Variants in PSG1 observed in about 807,000 individuals in gnomAD.
PSG1 encodes pregnancy-specific beta-1-glycoprotein 1.
Under a neutral mutation model 41.4 loss-of-function variants are expected in PSG1, and 60 were observed. The observed-to-expected ratio is 1.45, with a 90% CI of 1.18 to 1.80. The LOEUF (loss-of-function observed/expected upper bound fraction) is 1.80. Among genes scored for constraint, PSG1 ranks in the 40% most tolerant of loss-of-function variants. The pLI, the probability that PSG1 is intolerant of heterozygous loss-of-function variation, is 0.00. For synonymous variants in PSG1, 256 were observed against 192.9 expected, an observed-to-expected ratio of 1.33 and a Z score of -2.71; for missense variants, 806 against 516.9, an observed-to-expected ratio of 1.56 and a Z score of -5.42.
intron 2 of PSG1, among the ~76,000 whole-genome samples, chr19:42,874,692 T>C (rs1424289642): frequency 6.6e-6 from 1 of 151,726 alleles, no homozygotes; most frequent in Non-Finnish European, 1.5e-5. Flanking sequence ...TTCAGCTTTT[T>C]ACTTAGTGTT....
intron 1 of PSG1, among the ~76,000 whole-genome samples, chr19:42,879,202 G>T (rs1028142110): frequency 6.8e-6 from 1 of 148,024 alleles, no homozygotes. Context: ...GCCCAGGCTG[G>T]CATGCGGTGG....
At chr19:42,867,469 G>A (rs1329679995) in intron 5 of PSG1, 30 of 575,480 alleles carry the variant, frequency 5.2e-5, no homozygotes, top group Non-Finnish European at 9.3e-5. Flanking sequence ...CCAAACCAAG[G>A]CTGACTTCAG....
intron 5 of PSG1, 197 bp downstream of exon 5, chr19:42,867,904 T>C (rs1971200560): frequency 6.8e-7 from 1 of 1,480,728 alleles, no homozygotes; most frequent in Non-Finnish European, 9.1e-7. Context: ...AGGCTGGGAA[T>C]ATTATGAAGA....
rs1568412725 is a variant in PSG1 at position 42,867,033 on chromosome 19, A to C, written c.*101T>G. The C allele has an allele frequency of 1.3e-6, 1 of 768,566 alleles. No homozygotes were observed. Among genetic ancestry groups the C allele is most frequent in the African/African-American group, 1.7e-5 (1 of 59,052 alleles). 47.6% of individuals were successfully genotyped at this position (768,566 alleles called of 1,614,324 possible). On this transcript the variant is annotated 3_prime_UTR_variant, in exon 6 of 6. Transcript: ENST00000436291. ...ACAAGGGTTTTCCCATGAAATTTAC[A>C]TTGAGTTGTCCACCTCCAGCTTATA...
chr19:42,873,108 C>T (rs1248575679), intron 2 of PSG1, among the ~76,000 whole-genome samples: 2 of 151,452 alleles, frequency 1.3e-5, no homozygotes, highest in African/African-American at 2.4e-5. Context: ...GGTGTTGTTC[C>T]GTGGGTGTGC....
rs548042972 is a variant in PSG1, at chr19:42,878,916, G to A, written c.64+602C>T. 3.3e-5 allele frequency among the ~76,000 whole-genome samples: 5 copies of A among 151,650 alleles called. 1 individual carries two copies. The highest frequency in any genetic ancestry group is 1.9e-4 in the East Asian group (1 of 5,140). On this transcript the variant is annotated intron_variant, in intron 1 of 5. Transcript: ENST00000436291. ...CCAATTGTTGAGGTTTCTTGCTGAG[G>A]ACAGTGTTTCCTGCCCTGTTTATAT... is the stretch of plus-strand genomic sequence containing the variant.
rs753209822 is a variant in PSG1, at chr19:42,868,907, G to T, written c.837C>A (p.Ser279Arg). Residue 279 changes from serine (S) to arginine (R), a missense_variant, in exon 4 of 6, where the codon AGC becomes AGA. Transcript: ENST00000436291. ...YTYIWWLNGQ[S>R]LPVSPRVKRP... Reference sequence around the variant, plus strand: ...GCTTTACCCTGGGACTGACCGGGAGGCTCTGACCATTTAGCCACCAAATGT... The same window carrying T: ...GCTTTACCCTGGGACTGACCGGGAGTCTCTGACCATTTAGCCACCAAATGT... 34 of 1,610,450 alleles carry T rather than the reference G, an allele frequency of 2.1e-5. No individual in the cohort carries two copies. The highest frequency in any genetic ancestry group is 2.5e-5 in the Non-Finnish European group (29 of 1,179,060).
Position 42,869,118 on chromosome 19 carries a change from C to A in PSG1, c.710-84G>T, listed in dbSNP as rs985530115. ...ATCCTTCAATCAGAGTTGGCATCTC[C>A]CACCTCTCATTCCACCCGAGTCCTT... On this transcript the variant is annotated intron_variant, in intron 3 of 5. Coordinates refer to ENST00000436291, the MANE Select transcript of PSG1 (RefSeq NM_001184825.2). 48 of 1,572,464 alleles carry A rather than the reference C, an allele frequency of 3.1e-5. 3 individuals are homozygous for A. In the African/African-American group the frequency reaches 4.8e-4, roughly 16 times the overall value.
chr19:42,873,278 T>A (rs1600503417), intron 2 of PSG1, among the ~76,000 whole-genome samples: 1 of 151,730 alleles, frequency 6.6e-6, no homozygotes, highest in East Asian at 1.9e-4. Context: ...GTACATGTAC[T>A]GGTTTAGCAT....
chr19:42,868,812 T>A lies in PSG1; in HGVS notation c.932A>T (p.Glu311Val). The A allele has an allele frequency of 6.2e-7, 1 of 1,611,940 alleles. No individual in the cohort carries two copies. The change falls in exon 4 of 6, where the codon GAA becomes GTA. Residue 311 changes from glutamate to valine, a missense_variant. Coordinates refer to ENST00000436291, the MANE Select transcript of PSG1 (RefSeq NM_001184825.2). ...GATGCCACCATATCGGTCCCGTATT[T>A]CACATTGATAGGGTCCTGTTTCATT... ...TRNETGPYQC[E>V]IRDRYGGIRS...
intron 2 of PSG1, among the ~76,000 whole-genome samples, chr19:42,872,247 G>T (rs536238298): frequency 6.6e-6 from 1 of 151,688 alleles, no homozygotes; most frequent in East Asian, 1.9e-4. Context: ...TGTGGGAGAA[G>T]CACAGACTTT....
intron 5 of PSG1, chr19:42,867,368 C>T: frequency 1.7e-6 from 1 of 590,918 alleles, no homozygotes; most frequent in Non-Finnish European, 3.0e-6. Flanking sequence ...TAGCAATGGA[C>T]CATGTAGGCT....
intron 2 of PSG1, among the ~76,000 whole-genome samples, chr19:42,874,602 A>T (rs1189407154): frequency 6.6e-6 from 1 of 151,704 alleles, no homozygotes; most frequent in Non-Finnish European, 1.5e-5. Flanking sequence ...CGGCCTCCCA[A>T]AGTGCTGGGA....
At position 42,869,338 on chromosome 19, in the gene PSG1, T is replaced by G. The variant is rs556276948; in HGVS notation, c.710-304A>C. 38 of 531,568 alleles carry G rather than the reference T, an allele frequency of 7.1e-5. 2 individuals carry two copies. In the South Asian group the frequency reaches 1.3e-3, roughly 18 times the overall value. The allele number at this position is 531,568 out of a possible 1,614,324, so 32.9% of individuals were successfully genotyped here. A position where few individuals can be genotyped will look rare whatever the true frequency, so the allele number is the denominator to read the frequency against. The stretch of plus-strand genomic sequence containing the variant: ...GGTACCCTTCCCAGGCCCTCCCTAA[T>G]CAGTTGACTGGCTGGCTCACCTTGG... On this transcript the variant is annotated intron_variant, in intron 3 of 5. Transcript: ENST00000436291.
intron 5 of PSG1, 118 bp downstream of exon 5, chr19:42,867,983 G>A (rs1971203797): frequency 3.1e-6 from 5 of 1,602,416 alleles, no homozygotes; most frequent in Admixed American, 1.7e-5. Flanking sequence ...GAGAATTTGG[G>A]ATTTGCTTGT....
In PSG1 at chr19:42,868,296, G is replaced by T; in HGVS notation, c.1048C>A (p.Leu350Ile). 1 of 1,612,168 alleles carries T rather than the reference G, an allele frequency of 6.2e-7. No homozygotes were observed. Among genetic ancestry groups the T allele is most frequent in the South Asian group, 1.1e-5 (1 of 90,812 alleles). Residue 350 changes from leucine to isoleucine, a missense_variant, in exon 5 of 6, where the codon CTC (leucine) becomes ATC (isoleucine). Coordinates refer to ENST00000436291, the MANE Select transcript of PSG1 (RefSeq NM_001184825.2). ...SFTYYRSGEV[L>I]YLSCSADSNP... The stretch of plus-strand genomic sequence containing the variant: ...GAGTCCGCAGAACAGGACAAGTAGA[G>T]GACTTCTCCTGAACGGTAATAGGTG...
Position 42,866,754 on chromosome 19 carries a change from G to T in PSG1, c.*380C>A. 1 of 492,924 alleles carries T rather than the reference G, an allele frequency of 2.0e-6. No individual in the cohort carries two copies. Among genetic ancestry groups the T allele is most frequent in the Non-Finnish European group, 3.7e-6 (1 of 271,990 alleles). 30.5% of individuals were successfully genotyped at this position (492,924 alleles called of 1,614,324 possible). A position where few individuals can be genotyped will look rare whatever the true frequency, so the allele number is the denominator to read the frequency against. ...GTTGAGATGACATATCTGACACTCTGTTGTTACTCTCAGAAGCTACTACAT... is the reference window on the plus strand; with the variant it reads ...GTTGAGATGACATATCTGACACTCTTTTGTTACTCTCAGAAGCTACTACAT... On this transcript the variant is annotated 3_prime_UTR_variant, in exon 6 of 6. Transcript: ENST00000436291.
chr19:42,877,772 C>T, intron 2 of PSG1, 141 bp downstream of exon 2: 1 of 1,530,612 alleles, frequency 6.5e-7, no homozygotes, highest in East Asian at 2.3e-5. Context: ...CTGTGTGTGT[C>T]CTGCACTAAA....
chr19:42,867,573 G>A (rs911796450), intron 5 of PSG1: 10 of 648,900 alleles, frequency 1.5e-5, no homozygotes, highest in Admixed American at 3.2e-5. Flanking sequence ...GATTTCAAAT[G>A]TGTCATGTTA....
Sources: allele counts gnomAD v4.1 joint callset (sites outside exome capture counted in the v4.1 genomes callset), GRCh38; gene constraint gnomAD v4.1.1; transcripts MANE v1.5; gene names NCBI Gene and HGNC (gene_info 2026-07-23, HGNC 2026-07-21).